Variants in AMN1 observed in about 807,000 individuals in gnomAD.
The protein encoded by AMN1 is antagonist of mitotic exit network 1 homolog.
A neutral mutation model predicts 33.0 loss-of-function variants in AMN1; 20 were observed. That is an observed-to-expected ratio of 0.61 (90% CI 0.43 to 0.88). The LOEUF (loss-of-function observed/expected upper bound fraction) is 0.88. Among genes scored for constraint, AMN1 ranks in the 40% least tolerant of loss-of-function variants. The pLI, the probability that AMN1 is intolerant of heterozygous loss-of-function variation, is 0.00. For missense variants in AMN1, 246 were observed against 307.4 expected (o/e 0.80, Z 1.49); for synonymous variants, 114 against 111.9 (o/e 1.02, Z -0.12).
At chr12:31,717,523 G>A (rs1003364487) in intron 1 of AMN1, among the ~76,000 whole-genome samples, 1 of 152,164 alleles carries the variant, frequency 6.6e-6, no homozygotes, top group Non-Finnish European at 1.5e-5. Context: ...CATTCGTTAT[G>A]AAGAAAGATT....
intron 6 of AMN1, among the ~76,000 whole-genome samples, chr12:31,674,861 C>CA (rs367623122): frequency 5.5e-4 from 79 of 143,184 alleles, no homozygotes; most frequent in South Asian, 1.8e-3. Flanking sequence ...ACTAAAAATA[C>CA]AAAAAAAAAA....
chr12:31,727,760 G>A (rs1940135447), intron 1 of AMN1, among the ~76,000 whole-genome samples: 1 of 151,800 alleles, frequency 6.6e-6, no homozygotes, highest in South Asian at 2.1e-4. Flanking sequence ...AGACAGTCTC[G>A]CTCTGTCGCC....
At chr12:31,697,280 G>A (rs1938769993) in intron 5 of AMN1, 81 bp downstream of exon 5, 1 of 1,237,890 alleles carries the variant, frequency 8.1e-7, no homozygotes, top group Non-Finnish European at 1.2e-6. Context: ...TAAAGCATTG[G>A]TTATCCGCTA....
chr12:31,718,409 T>C (rs996460714), intron 1 of AMN1, among the ~76,000 whole-genome samples: 4 of 152,146 alleles, frequency 2.6e-5, no homozygotes, highest in African/African-American at 9.7e-5. Context: ...TGAAGCCTAC[T>C]TCTGTCAACT....
rs751155970 is a variant in AMN1, at chr12:31,672,322, C to T, written c.759G>A (p.Val253=). ...QLVGPNKLKQ[V]TWTVY is the part of the protein sequence containing the mutation. ...AAAAGCATCAATAAACAGTCCATGT[C>T]ACTTGCTTTAGTTTGTTTGGGCCTA... The change falls in exon 7 of 7, where the codon GTG becomes GTA. Residue 253 remains valine, a synonymous_variant. Coordinates refer to ENST00000281471, the MANE Select transcript of AMN1 (RefSeq NM_001113402.2). 19 of 1,577,412 alleles carry T rather than the reference C, an allele frequency of 1.2e-5. No individual in the cohort carries two copies. The South Asian group carries it at 2.2e-4, about 18-fold the overall frequency.
At chr12:31,701,736 T>C (rs1939010429) in intron 3 of AMN1, 127 bp downstream of exon 3, 1 of 806,396 alleles carries the variant, frequency 1.2e-6, no homozygotes, top group Non-Finnish European at 1.8e-6. Flanking sequence ...ATGTTTTTAC[T>C]GATAAATATA....
At chr12:31,720,109 T>A (rs1939826506) in intron 1 of AMN1, among the ~76,000 whole-genome samples, 1 of 152,266 alleles carries the variant, frequency 6.6e-6, no homozygotes, top group Admixed American at 6.5e-5. Context: ...AAAGTTGAGA[T>A]GAAAGATAAT....
intron 2 of AMN1, among the ~76,000 whole-genome samples, chr12:31,707,468 A>G (rs1057360779): frequency 9.2e-5 from 14 of 152,176 alleles, no homozygotes; most frequent in Admixed American, 8.5e-4. Context: ...GATGCTGCAG[A>G]TGAAATTGCT....
chr12:31,689,402 C>T (rs1047469081), intron 5 of AMN1, among the ~76,000 whole-genome samples: 5 of 152,132 alleles, frequency 3.3e-5, no homozygotes, highest in African/African-American at 1.2e-4. Flanking sequence ...AGAATCTCTT[C>T]TACATGTGCA....
chr12:31,708,569 G>C (rs1939340669), intron 2 of AMN1: 1 of 153,838 alleles, frequency 6.5e-6, no homozygotes, highest in African/African-American at 2.4e-5. Flanking sequence ...TCTTTGCTCT[G>C]CTTTTTGCCC....
intron 6 of AMN1, among the ~76,000 whole-genome samples, chr12:31,676,618 G>A (rs542191880): frequency 4.6e-5 from 7 of 151,442 alleles, no homozygotes; most frequent in African/African-American, 1.7e-4. Flanking sequence ...CACCGCGCCT[G>A]GCCAACACTT....
intron 1 of AMN1, 94 bp from the exon 2 acceptor site, chr12:31,709,519 TA>T: frequency 2.1e-6 from 3 of 1,442,674 alleles, no homozygotes. Flanking sequence ...AGCCCTTTCA[TA>T]AAAGTGTGTA....
In AMN1 at chr12:31,688,836, A is replaced by AAAAT. The variant is rs546734928; in HGVS notation, c.703+167_703+170dup. ...CCAAAAAATTAAAATAAAATAAAAT[A>AAAAT]AAATAAAGAATTGTCAGATAATCAT... On this transcript the variant is annotated intron_variant, in intron 6 of 6. Transcript: ENST00000281471. 2.4e-4 allele frequency among the ~76,000 whole-genome samples: 36 copies of AAAAT among 152,192 alleles called. No individual in the cohort carries two copies. In the East Asian group the frequency reaches 5.0e-3, roughly 21 times the overall value.
At chr12:31,712,592 G>A (rs1939511996) in intron 1 of AMN1, among the ~76,000 whole-genome samples, 1 of 151,920 alleles carries the variant, frequency 6.6e-6, no homozygotes. Context: ...TCATATATAT[G>A]TATTATACCA....
rs182830538 is a variant in AMN1, at chr12:31,704,688, G to A, written c.172-2681C>T. Reference sequence around the variant, plus strand: ...TGTGTGTCACTTTGTAATGGATGTTGTATCTGGCTTTTTGAATAATGTCAT... The same window carrying A: ...TGTGTGTCACTTTGTAATGGATGTTATATCTGGCTTTTTGAATAATGTCAT... On this transcript the variant is annotated intron_variant, in intron 2 of 6. Transcript: ENST00000281471. Among the ~76,000 whole-genome samples the A allele has an allele frequency of 3.9e-5, 6 of 152,232 alleles. No homozygotes were observed. The East Asian group carries it at 1.2e-3, about 29-fold the overall frequency.
intron 6 of AMN1, 111 bp downstream of exon 6, chr12:31,688,896 C>T: frequency 6.8e-6 from 4 of 589,698 alleles, no homozygotes; most frequent in Non-Finnish European, 1.2e-5. Context: ...CTCATTATGC[C>T]TGTTTTACAG....
chr12:31,682,923 C>CA (rs1938089384), intron 6 of AMN1, among the ~76,000 whole-genome samples: 1 of 151,492 alleles, frequency 6.6e-6, no homozygotes, highest in African/African-American at 2.4e-5. Context: ...CTGGCAGCCA[C>CA]ACAAAAATAT....
chr12:31,729,089 C>T (rs1034563920), upstream of AMN1: 7 of 1,407,756 alleles, frequency 5.0e-6, no homozygotes, highest in African/African-American at 8.7e-5. Context: ...TCCCGCCCAC[C>T]GCGCGACGCG....
chr12:31,717,287 T>C (rs1939714296), intron 1 of AMN1, among the ~76,000 whole-genome samples: 1 of 152,242 alleles, frequency 6.6e-6, no homozygotes, highest in South Asian at 2.1e-4. Flanking sequence ...TCATTTCTTT[T>C]TATGGCTGCA....
Sources: gnomAD v4.1 joint callset for allele counts (sites outside exome capture counted in the v4.1 genomes callset) on GRCh38, gnomAD v4.1.1 for gene constraint, MANE v1.5 for transcripts, NCBI Gene and HGNC (gene_info 2026-07-23, HGNC 2026-07-21) for gene names.